SPEG: variants seen among roughly 807,000 people sequenced by gnomAD.
SPEG encodes striated muscle enriched protein kinase.
A neutral mutation model predicts 300.4 loss-of-function variants in SPEG; 114 were observed. The observed-to-expected ratio is 0.38, with a 90% CI of 0.33 to 0.44. SPEG has a LOEUF of 0.44. SPEG is among the 20% of genes least tolerant of loss of function. The pLI is 1.00. For missense variants in SPEG, 4,201 were observed against 4,586.2 expected, an observed-to-expected ratio of 0.92 and a Z score of 2.43; for synonymous variants, 1,964 against 2,018.9, an observed-to-expected ratio of 0.97 and a Z score of 0.73.
intron 40 of SPEG, 28 bp from the exon 41 acceptor site, chr2:219,492,566 G>A (rs1178979616): frequency 3.1e-6 from 5 of 1,602,712 alleles, no homozygotes; most frequent in Non-Finnish European, 4.2e-6. Flanking sequence ...TTCCTTCCAG[G>A]TTCATCATCC....
chr2:219,488,494 C>G lies in SPEG; in HGVS notation c.7859-4C>G. 6.4e-7 allele frequency: 1 copy of G among 1,562,026 alleles called. No individual in the cohort carries two copies. ...CAGCAACTCCTGCTCCTCCCTGTCC[C>G]CAGACAAGAAGTCCTTGAGGTCAGA... is the stretch of plus-strand genomic sequence containing the variant. On this transcript the variant is annotated splice_region_variant and splice_polypyrimidine_tract_variant and intron_variant, in intron 32 of 40. Coordinates refer to ENST00000312358, the MANE Select transcript of SPEG (RefSeq NM_005876.5).
intron 6 of SPEG, chr2:219,460,953 C>T (rs1475140070): frequency 2.0e-6 from 2 of 985,484 alleles, no homozygotes; most frequent in African/African-American, 1.8e-5. Flanking sequence ...AGGGCAGAGC[C>T]TTCAGGACAG....
At chr2:219,474,004 A>G in intron 18 of SPEG, 101 bp downstream of exon 18, 1 of 1,269,460 alleles carries the variant, frequency 7.9e-7, no homozygotes, top group Non-Finnish European at 1.1e-6. Context: ...TGCAGATCCA[A>G]ACCCATGTCC....
Position 219,464,470 on chromosome 2 carries a change from C to T in SPEG, c.2743C>T (p.Arg915Cys), listed in dbSNP as rs1223810607. ...CCAGCCCGTGCGCCCAGACCAGCGG[C>T]GCTTTGCGGAGGAGGCTGAGGGTGG... ...NRQPVRPDQRRFAEEAEGGLC... is the reference protein window; with the variant it reads ...NRQPVRPDQRCFAEEAEGGLC... The change falls in exon 9 of 41, where the codon CGC becomes TGC. Residue 915 changes from arginine (R) to cysteine (C), a missense_variant. Transcript: ENST00000312358. The surrounding 1 kb of genome is among the most constrained non-coding windows in gnomAD (Gnocchi z 4.5). 6.2e-7 allele frequency: 1 copy of T among 1,613,354 alleles called. No homozygotes were observed. Among genetic ancestry groups the T allele is most frequent in the South Asian group, 1.1e-5 (1 of 91,074 alleles).
chr2:219,472,071 C>G, intron 14 of SPEG, 84 bp downstream of exon 14: 4 of 1,562,356 alleles, frequency 2.6e-6, no homozygotes, highest in Non-Finnish European at 2.6e-6. Flanking sequence ...GGGCCTCCAC[C>G]CAGCTCCCTT....
In SPEG at chr2:219,469,312, C is replaced by T. The variant is rs1691662709; in HGVS notation, c.3648C>T (p.Tyr1216=). 6.2e-7 allele frequency: 1 copy of T among 1,613,960 alleles called. No individual in the cohort carries two copies. Among genetic ancestry groups the T allele is most frequent in the Non-Finnish European group, 8.5e-7 (1 of 1,179,986 alleles). The change falls in exon 13 of 41, where the codon TAC becomes TAT. Residue 1216 remains tyrosine, a synonymous_variant. Coordinates refer to ENST00000312358, the MANE Select transcript of SPEG (RefSeq NM_005876.5). ...MLECQVTGLP[Y]PTISWFHNGH... ...AGTGCCAGGTGACCGGCCTGCCCTA[C>T]CCCACCATCAGCTGGTTCCACAATG...
chr2:219,467,525 G>C (rs565978506), intron 10 of SPEG, 91 bp downstream of exon 10: 312 of 1,458,382 alleles, frequency 2.1e-4, no homozygotes, highest in Non-Finnish European at 2.6e-4. Flanking sequence ...CTGGGAAACA[G>C]AGCTCCAACC....
Position 219,472,921 on chromosome 2 carries a change from C to A in SPEG, c.3972C>A (p.His1324Gln), listed in dbSNP as rs760196222. The part of the protein sequence containing the change: ...DPDSLTYTVQ[H>Q]QVLGSDQWTA... Reference sequence around the variant, plus strand: ...ACTCCCTGACGTACACAGTGCAGCACCAGGTGCTGGGCTCGGACCAGTGGA... The same window carrying A: ...ACTCCCTGACGTACACAGTGCAGCAACAGGTGCTGGGCTCGGACCAGTGGA... The change falls in exon 16 of 41, where the codon CAC becomes CAA. Residue 1324 changes from histidine to glutamine, a missense_variant. By Grantham distance (24) the His-to-Gln change is conservative. Around this residue, in one of 4 missense-constraint regions of SPEG, gnomAD observed 1,047 missense variants for 1,356.8 expected, o/e 0.77. Coordinates refer to ENST00000312358, the MANE Select transcript of SPEG (RefSeq NM_005876.5). 16 of 1,612,602 alleles carry A rather than the reference C, an allele frequency of 9.9e-6. No individual in the cohort carries two copies. Among genetic ancestry groups the A allele is most frequent in the Admixed American group, 8.3e-5 (5 of 59,926 alleles).
Position 219,448,016 on chromosome 2 carries a change from T to C in SPEG, c.858T>C (p.Leu286=). 6.2e-7 allele frequency: 1 copy of C among 1,612,414 alleles called. No homozygotes were observed. The highest frequency in any genetic ancestry group is 8.5e-7 in the Non-Finnish European group (1 of 1,179,862). Residue 286 remains leucine, a synonymous_variant, in exon 4 of 41, where the codon CTT becomes CTC. Coordinates refer to ENST00000312358, the MANE Select transcript of SPEG (RefSeq NM_005876.5). ...QSGLRREEPD[L]QPQLASEAPR... ...GGTTGCGCAGGGAGGAGCCCGACCT[T>C]CAGCCTCAACTGGCCAGCGAAGCCC...
intron 18 of SPEG, 127 bp from the exon 19 acceptor site, chr2:219,476,743 G>A: frequency 1.5e-6 from 1 of 672,870 alleles, no homozygotes; most frequent in Non-Finnish European, 2.5e-6. Context: ...GTGGCTTGCA[G>A]GGAGGCGGGG....
rs1007568061 is a variant in SPEG, at chr2:219,447,375, G to A, written c.816-599G>A. Among the ~76,000 whole-genome samples the A allele has an allele frequency of 3.9e-5, 6 of 152,324 alleles. No individual in the cohort carries two copies. In the East Asian group the frequency reaches 1.2e-3, roughly 29 times the overall value. Reference sequence around the variant, plus strand: ...CTGCTGTGTCCCATCAGTGCTCGGGGTGGCGGCAGGTATAGGCTCAGGTCT... The same window carrying A: ...CTGCTGTGTCCCATCAGTGCTCGGGATGGCGGCAGGTATAGGCTCAGGTCT... On this transcript the variant is annotated intron_variant, in intron 3 of 40. Coordinates refer to ENST00000312358, the MANE Select transcript of SPEG (RefSeq NM_005876.5).
Position 219,473,656 on chromosome 2 carries a change from C to T in SPEG, c.4271+29C>T, listed in dbSNP as rs749276727. The T allele has an allele frequency of 3.1e-6, 5 of 1,614,066 alleles. No homozygotes were observed. Among genetic ancestry groups the T allele is most frequent in the Non-Finnish European group, 4.2e-6 (5 of 1,179,976 alleles). ...GGCCCCTTTCCCACATGTGGCAGCC[C>T]AGGTCTGGCCCAGCCTGGCCGGAAT... is the stretch of plus-strand genomic sequence containing the variant. On this transcript the variant is annotated intron_variant, in intron 17 of 40. Transcript: ENST00000312358. This position sits in a 1 kb window ranked among gnomAD's most constrained non-coding sequence, Gnocchi z 4.6.
rs910357653 is a variant in SPEG at position 219,448,501 on chromosome 2, G to A, written c.1343G>A (p.Gly448Asp). 1.9e-5 allele frequency: 28 copies of A among 1,456,606 alleles called. No individual in the cohort carries two copies. The African/African-American group carries it at 3.3e-4, about 17-fold the overall frequency. The allele number at this position is 1,456,606 out of a possible 1,614,324, so 90.2% of individuals were successfully genotyped here. A position where few individuals can be genotyped will look rare whatever the true frequency, so the allele number is the denominator to read the frequency against. ...QPKSERGAPWGTPGASQEELR... is the reference protein window; with the variant it reads ...QPKSERGAPWDTPGASQEELR... ...AAGTCGGAGCGCGGCGCACCGTGGG[G>A]CACCCCCGGGGCCTCGCAGGAAGAA... The change falls in exon 4 of 41, where the codon GGC becomes GAC. Residue 448 changes from glycine to aspartate, a missense_variant. Transcript: ENST00000312358.
chr2:219,467,227 G>C lies in SPEG; in HGVS notation c.2935G>C (p.Val979Leu), dbSNP rs749784967. ...AVLAPLQDVD[V>L]GAGEMALFEC... ...GCTGGCCCCCCTGCAGGACGTGGAC[G>C]TGGGGGCCGGGGAGATGGCGCTGTT... Residue 979 changes from valine to leucine, a missense_variant, in exon 10 of 41, where the codon GTG (valine) becomes CTG (leucine). This residue lies in a region of SPEG where 1,047 missense variants were observed against 1,356.8 expected (regional missense o/e 0.77). Coordinates refer to ENST00000312358, the MANE Select transcript of SPEG (RefSeq NM_005876.5). The C allele has an allele frequency of 6.2e-7, 1 of 1,601,884 alleles. No individual in the cohort carries two copies. Among genetic ancestry groups the C allele is most frequent in the Non-Finnish European group, 8.5e-7 (1 of 1,176,074 alleles).
At position 219,469,322 on chromosome 2, in the gene SPEG, A is replaced by G. The variant is rs530611918; in HGVS notation, c.3658A>G (p.Ser1220Gly). 2 of 1,613,922 alleles carry G rather than the reference A, an allele frequency of 1.2e-6. No homozygotes were observed. Among genetic ancestry groups the G allele is most frequent in the African/African-American group, 1.3e-5 (1 of 75,034 alleles). The change falls in exon 13 of 41, where the codon AGC becomes GGC. Residue 1220 changes from serine (S) to glycine (G), a missense_variant. Physicochemically the swap from Ser to Gly is moderately conservative, Grantham distance 56. This residue lies in a region of SPEG where 1,047 missense variants were observed against 1,356.8 expected (regional missense o/e 0.77). Coordinates refer to ENST00000312358, the MANE Select transcript of SPEG (RefSeq NM_005876.5). ...QVTGLPYPTI[S>G]WFHNGHRIQS... Reference sequence around the variant, plus strand: ...GACCGGCCTGCCCTACCCCACCATCAGCTGGTTCCACAATGGCCACCGCAT... The same window carrying G: ...GACCGGCCTGCCCTACCCCACCATCGGCTGGTTCCACAATGGCCACCGCAT...
In SPEG at chr2:219,480,712, G is replaced by T; in HGVS notation, c.5369+15G>T. ...GCCTTCCTCTGGTAAGGACCCCTCTGCAATGTCCCAGCAGTCTCCTGGCAG... is the reference window on the plus strand; with the variant it reads ...GCCTTCCTCTGGTAAGGACCCCTCTTCAATGTCCCAGCAGTCTCCTGGCAG... On this transcript the variant is annotated intron_variant, in intron 26 of 40. Coordinates refer to ENST00000312358, the MANE Select transcript of SPEG (RefSeq NM_005876.5). The surrounding 1 kb of genome is among the most constrained non-coding windows in gnomAD (Gnocchi z 5.3). 1 of 1,613,558 alleles carries T rather than the reference G, an allele frequency of 6.2e-7. No homozygotes were observed. The highest frequency in any genetic ancestry group is 1.7e-5 in the Admixed American group (1 of 60,006).
intron 12 of SPEG, 40 bp from the exon 13 acceptor site, chr2:219,469,116 G>A (rs2125467033): frequency 1.2e-6 from 2 of 1,609,996 alleles, no homozygotes; most frequent in South Asian, 1.1e-5. Context: ...GGGGTGGGAG[G>A]CACGGCCCTG....
Position 219,477,513 on chromosome 2 carries a change from T to G in SPEG, c.4729+68T>G. ...GAATCTGATGTGACCCTCCATGCTCTGCCCAGGAAGCAGCCAGCCCTGGAC... is the reference window on the plus strand; with the variant it reads ...GAATCTGATGTGACCCTCCATGCTCGGCCCAGGAAGCAGCCAGCCCTGGAC... On this transcript the variant is annotated intron_variant, in intron 20 of 40. Transcript: ENST00000312358. This position sits in a 1 kb window ranked among gnomAD's most constrained non-coding sequence, Gnocchi z 6.4. The G allele has an allele frequency of 6.7e-7, 1 of 1,483,706 alleles. No individual in the cohort carries two copies. Among genetic ancestry groups the G allele is most frequent in the Non-Finnish European group, 9.0e-7 (1 of 1,107,436 alleles). 91.9% of individuals were successfully genotyped at this position (1,483,706 alleles called of 1,614,324 possible). A position where few individuals can be genotyped will look rare whatever the true frequency, so the allele number is the denominator to read the frequency against.
chr2:219,445,516 C>T lies in SPEG; in HGVS notation c.815+355C>T. ...CAGGATCCCTCCCCCGACCCGGGGG[C>T]CCCCTTGGTGCCTGCTGTCTCAGCA... On this transcript the variant is annotated intron_variant, in intron 3 of 40. Transcript: ENST00000312358. This position sits in a 1 kb window ranked among gnomAD's most constrained non-coding sequence, Gnocchi z 6.1. 2.8e-6 allele frequency: 1 copy of T among 360,440 alleles called. No individual in the cohort carries two copies. 22.3% of individuals were successfully genotyped at this position (360,440 alleles called of 1,614,324 possible). A position where few individuals can be genotyped will look rare whatever the true frequency, so the allele number is the denominator to read the frequency against.
Sources: gnomAD v4.1 joint callset for allele counts (sites outside exome capture counted in the v4.1 genomes callset) on GRCh38, gnomAD v4.1.1 for gene constraint, gnomAD v4.1.1 regional missense constraint, Gnocchi (gnomAD v3.1) non-coding constraint, MANE v1.5 for transcripts, NCBI Gene and HGNC (gene_info 2026-07-23, HGNC 2026-07-21) for gene names.